NR3C1: variants seen among roughly 807,000 people sequenced by gnomAD.
The protein encoded by NR3C1 is nuclear receptor subfamily 3 group C member 1.
In NR3C1, 14 loss-of-function variants were observed where a neutral mutation model predicts 74.0. The observed-to-expected ratio is 0.19, with a 90% CI of 0.12 to 0.30. The LOEUF (loss-of-function observed/expected upper bound fraction) is 0.30, where lower values mean the gene tolerates loss of function less well. NR3C1 is among the 10% of genes least tolerant of loss of function. NR3C1 has a pLI of 1.00. For missense variants in NR3C1, 695 were observed against 909.8 expected (o/e 0.76, Z 3.04); for synonymous variants, 308 against 332.5 (o/e 0.93, Z 0.80).
chr5:143,393,556 A>T (rs1838671424), intron 2 of NR3C1, among the ~76,000 whole-genome samples: 2 of 152,146 alleles, frequency 1.3e-5, no homozygotes. Flanking sequence ...AAAAATAAAA[A>T]AGCAAAATCT....
intron 5 of NR3C1, among the ~76,000 whole-genome samples, chr5:143,299,015 T>TG (rs1415122153): frequency 3.0e-4 from 45 of 147,744 alleles, no homozygotes; most frequent in African/African-American, 4.6e-4. Flanking sequence ...GTTTTTTTTT[T>TG]TTTTTTTTTT....
intron 1 of NR3C1, among the ~76,000 whole-genome samples, chr5:143,423,569 A>G (rs1464332293): frequency 6.6e-6 from 1 of 152,106 alleles, no homozygotes; most frequent in Non-Finnish European, 1.5e-5. Flanking sequence ...CAACAACAAC[A>G]AAATAGAGCT....
chr5:143,340,505 CAG>C (rs1282019836), intron 2 of NR3C1, among the ~76,000 whole-genome samples: 5 of 104,058 alleles, frequency 4.8e-5, no homozygotes, highest in African/African-American at 1.9e-4. Context: ...TTTTTTGAGA[CAG>C]AGTCTCGCTC....
intron 1 of NR3C1, among the ~76,000 whole-genome samples, chr5:143,415,064 G>A (rs1177385959): frequency 1.3e-5 from 2 of 152,214 alleles, no homozygotes; most frequent in East Asian, 3.9e-4. Context: ...TATTACTTAT[G>A]CCTTTAAGAA....
At chr5:143,395,655 T>G (rs1474031960) in intron 2 of NR3C1, among the ~76,000 whole-genome samples, 1 of 151,836 alleles carries the variant, frequency 6.6e-6, no homozygotes, top group African/African-American at 2.4e-5. Context: ...TCATTAAAAT[T>G]AGGAATAATC....
intron 7 of NR3C1, among the ~76,000 whole-genome samples, chr5:143,285,962 A>G (rs1433836101): frequency 6.9e-6 from 1 of 144,488 alleles, no homozygotes; most frequent in Non-Finnish European, 1.6e-5. Flanking sequence ...ACTTTTAGCC[A>G]GACTGATTAA....
chr5:143,312,702 C>T (rs1327731795), intron 3 of NR3C1, among the ~76,000 whole-genome samples: 1 of 152,150 alleles, frequency 6.6e-6, no homozygotes, highest in African/African-American at 2.4e-5. Flanking sequence ...ACTTTCCCAC[C>T]ATCATAAAAG....
At chr5:143,381,058 C>A (rs72801085) in intron 2 of NR3C1, among the ~76,000 whole-genome samples, 3 of 151,840 alleles carry the variant, frequency 2.0e-5, no homozygotes, top group African/African-American at 7.3e-5. Flanking sequence ...AAAGACTCCA[C>A]CAAAAAAATA....
At chr5:143,292,810 C>T (rs1056275324) in intron 7 of NR3C1, among the ~76,000 whole-genome samples, 6 of 152,160 alleles carry the variant, frequency 3.9e-5, no homozygotes, top group African/African-American at 1.4e-4. Flanking sequence ...GGCATCTTTT[C>T]CCAGTAAGCT....
chr5:143,282,526 T>TC (rs1468001648), intron 8 of NR3C1, 42 bp downstream of exon 8: 1 of 1,610,938 alleles, frequency 6.2e-7, no homozygotes, highest in African/African-American at 1.3e-5. Flanking sequence ...ACATACTTTG[T>TC]CCCAGAAAAC....
intron 2 of NR3C1, among the ~76,000 whole-genome samples, chr5:143,360,885 G>A (rs1301709137): frequency 6.6e-6 from 1 of 152,114 alleles, no homozygotes; most frequent in Admixed American, 6.5e-5. Context: ...TAAACTGATA[G>A]CTACACTGCA....
chr5:143,312,620 A>T (rs1821208729), intron 3 of NR3C1, among the ~76,000 whole-genome samples: 1 of 152,192 alleles, frequency 6.6e-6, no homozygotes, highest in African/African-American at 2.4e-5. Context: ...AGTGTAAGAT[A>T]TTTTCAATTC....
At chr5:143,288,503 G>A (rs1425822548) in intron 7 of NR3C1, among the ~76,000 whole-genome samples, 2 of 150,674 alleles carry the variant, frequency 1.3e-5, no homozygotes, top group African/African-American at 4.9e-5. Flanking sequence ...ATCAGACTGT[G>A]TTTTTGAGAC....
exon 1 of NR3C1, chr5:143,434,689 A>C: frequency 1.0e-6 from 1 of 985,462 alleles, no homozygotes; most frequent in Non-Finnish European, 1.2e-6. Flanking sequence ...GAAGGCACTC[A>C]TTAAGTGCTT....
At chr5:143,309,657 G>T (rs1820486933) in intron 4 of NR3C1, among the ~76,000 whole-genome samples, 1 of 151,638 alleles carries the variant, frequency 6.6e-6, no homozygotes, top group African/African-American at 2.4e-5. Context: ...CCCCCCGCTT[G>T]AAGATCTGTA....
intron 2 of NR3C1, among the ~76,000 whole-genome samples, chr5:143,370,522 T>G (rs943224080): frequency 3.9e-5 from 6 of 152,252 alleles, no homozygotes; most frequent in African/African-American, 1.4e-4. Flanking sequence ...TTGTATTTTT[T>G]AAACTGCATA....
intron 2 of NR3C1, among the ~76,000 whole-genome samples, chr5:143,339,206 TG>T (rs1827749562): frequency 6.6e-6 from 1 of 152,196 alleles, no homozygotes; most frequent in South Asian, 2.1e-4. Context: ...ATATTTGTTT[TG>T]TTCATTCTCA....
At chr5:143,332,707 G>T in intron 2 of NR3C1, 1 of 1,580,398 alleles carries the variant, frequency 6.3e-7, no homozygotes, top group Non-Finnish European at 8.6e-7. Flanking sequence ...GTGCGTCTCA[G>T]ACGACTAGAA....
chr5:143,357,160 C>A (rs555355877), intron 2 of NR3C1, among the ~76,000 whole-genome samples: 1 of 152,042 alleles, frequency 6.6e-6, no homozygotes, highest in South Asian at 2.1e-4. Context: ...ATATTTATAA[C>A]GTATTGCTAG....
Sources: gnomAD v4.1 joint callset for allele counts (sites outside exome capture counted in the v4.1 genomes callset) on GRCh38, gnomAD v4.1.1 for gene constraint, MANE v1.5 for transcripts, NCBI Gene and HGNC (gene_info 2026-07-23, HGNC 2026-07-21) for gene names.